LRP1B: variants seen among roughly 807,000 people sequenced by gnomAD.
LRP1B encodes LDL receptor related protein 1B.
Under a neutral mutation model 556.6 loss-of-function variants are expected in LRP1B, and 217 were observed. The observed-to-expected ratio is 0.39, with a 90% CI of 0.35 to 0.44. The LOEUF (loss-of-function observed/expected upper bound fraction) is 0.44, where lower values mean the gene tolerates loss of function less well. Among genes scored for constraint, LRP1B ranks in the 20% least tolerant of loss-of-function variants. LRP1B has a pLI of 1.00. For synonymous variants in LRP1B, 2,047 were observed against 1,865.8 expected, an observed-to-expected ratio of 1.10 and a Z score of -2.50; for missense variants, 5,053 against 5,620.8, an observed-to-expected ratio of 0.90 and a Z score of 3.23.
intron 1 of LRP1B, among the ~76,000 whole-genome samples, chr2:141,984,367 T>C (rs929897681): frequency 4.0e-5 from 3 of 74,516 alleles, no homozygotes; most frequent in Non-Finnish European, 7.9e-5. Flanking sequence ...ACCAGGAAAA[T>C]TGATGAAAGG....
chr2:140,343,250 C>G (rs994657987), intron 77 of LRP1B, among the ~76,000 whole-genome samples: 1 of 151,420 alleles, frequency 6.6e-6, no homozygotes, highest in Non-Finnish European at 1.5e-5. Flanking sequence ...TATTTTGATG[C>G]CGGTTTTGGC....
At chr2:141,762,505 GA>G (rs1274450754) in intron 2 of LRP1B, among the ~76,000 whole-genome samples, 1 of 151,840 alleles carries the variant, frequency 6.6e-6, no homozygotes, top group Non-Finnish European at 1.5e-5. Context: ...ATAAAAATAT[GA>G]AATAGTATAA....
chr2:141,167,143 C>A (rs763062540), intron 7 of LRP1B: 34 of 151,764 alleles, frequency 2.2e-4, no homozygotes, highest in Non-Finnish European at 3.8e-4. Context: ...CAAAAAGCTC[C>A]CATAAACCTC....
At chr2:140,555,365 C>A (rs1488327861) in intron 43 of LRP1B, among the ~76,000 whole-genome samples, 3 of 151,916 alleles carry the variant, frequency 2.0e-5, no homozygotes, top group Admixed American at 2.0e-4. Flanking sequence ...ATTTGACATT[C>A]CATACATTTG....
intron 7 of LRP1B, among the ~76,000 whole-genome samples, chr2:141,072,942 G>C (rs1170413233): frequency 6.6e-6 from 1 of 152,122 alleles, no homozygotes; most frequent in African/African-American, 2.4e-5. Flanking sequence ...TATACACTCA[G>C]TCCGTCTTTT....
Position 141,247,364 on chromosome 2 carries a change from A to C in LRP1B, c.464-10T>G. The C allele has an allele frequency of 1.9e-6, 3 of 1,612,916 alleles. No homozygotes were observed. The highest frequency in any genetic ancestry group is 1.7e-6 in the Non-Finnish European group (2 of 1,179,310). The stretch of plus-strand genomic sequence containing the variant: ...GCACATTCATCTTGATCTAAAAAGG[A>C]AAATTGGCATCATTTCTAAGCAGCT... On this transcript the variant is annotated splice_polypyrimidine_tract_variant and intron_variant, in intron 4 of 90. Coordinates refer to ENST00000389484, the MANE Select transcript of LRP1B (RefSeq NM_018557.3).
chr2:141,049,167 T>C lies in LRP1B; in HGVS notation c.1608A>G (p.Arg536=), dbSNP rs1306542955. ...FYGKGRPGIV[R]GMDLNTKIAD... is the part of the protein sequence containing the mutation. ...CTATCTTGGTATTCAAGTCCATTCC[T>C]CTAACAATTCCTGGGCGTCCTTTCC... Residue 536 remains arginine, a synonymous_variant, in exon 11 of 91, where the codon AGA becomes AGG. Transcript: ENST00000389484. The C allele has an allele frequency of 1.2e-6, 2 of 1,613,490 alleles. No individual in the cohort carries two copies. The highest frequency in any genetic ancestry group is 1.7e-6 in the Non-Finnish European group (2 of 1,179,702).
At chr2:141,063,204 C>T (rs1699388376) in intron 7 of LRP1B, among the ~76,000 whole-genome samples, 1 of 151,706 alleles carries the variant, frequency 6.6e-6, no homozygotes, top group East Asian at 1.9e-4. Flanking sequence ...AGTGACTGAG[C>T]AATATTAAGA....
chr2:141,354,612 C>T (rs1688559618), intron 3 of LRP1B, among the ~76,000 whole-genome samples: 1 of 151,810 alleles, frequency 6.6e-6, no homozygotes, highest in Admixed American at 6.6e-5. Context: ...GCATTATTTC[C>T]TAAAACGACC....
intron 7 of LRP1B, among the ~76,000 whole-genome samples, chr2:141,107,424 G>A (rs923130892): frequency 6.6e-6 from 1 of 152,072 alleles, no homozygotes; most frequent in Admixed American, 6.6e-5. Flanking sequence ...GAGGCGGGTG[G>A]ATCACAAGGT....
rs573095690 is a variant in LRP1B at position 140,573,224 on chromosome 2, T to A, written c.7194+25407A>T. Among the ~76,000 whole-genome samples the A allele has an allele frequency of 3.9e-5, 6 of 151,950 alleles. No homozygotes were observed. The South Asian group carries it at 1.2e-3, about 31-fold the overall frequency. On this transcript the variant is annotated intron_variant, in intron 43 of 90. Coordinates refer to ENST00000389484, the MANE Select transcript of LRP1B (RefSeq NM_018557.3). Reference sequence around the variant, plus strand: ...CATCATTACATACTGTATACATGTATCAAAAAATCACACTGTATACCATAA... The same window carrying A: ...CATCATTACATACTGTATACATGTAACAAAAAATCACACTGTATACCATAA...
chr2:140,474,748 A>G (rs529332715), intron 60 of LRP1B, among the ~76,000 whole-genome samples: 10 of 152,040 alleles, frequency 6.6e-5, no homozygotes, highest in Admixed American at 2.6e-4. Context: ...GATAACTTAT[A>G]AAACTATACT....
chr2:142,125,662 G>C (rs750740406), intron 1 of LRP1B, among the ~76,000 whole-genome samples: 57 of 151,922 alleles, frequency 3.8e-4, no homozygotes, highest in Non-Finnish European at 7.1e-4. Context: ...TATACAATTT[G>C]TGATTGCTCT....
chr2:141,744,332 A>T (rs758257992), intron 2 of LRP1B, among the ~76,000 whole-genome samples: 1 of 152,048 alleles, frequency 6.6e-6, no homozygotes, highest in Non-Finnish European at 1.5e-5. Flanking sequence ...TTCCACTGTG[A>T]TCAGAGAAAA....
chr2:141,082,006 T>A (rs975809736), intron 7 of LRP1B, among the ~76,000 whole-genome samples: 2 of 152,320 alleles, frequency 1.3e-5, no homozygotes, highest in South Asian at 4.1e-4. Flanking sequence ...AATTCTATAT[T>A]AAAATTACCT....
intron 75 of LRP1B, 125 bp from the exon 76 acceptor site, chr2:140,353,197 TA>T (rs1682053407): frequency 1.1e-6 from 1 of 901,916 alleles, no homozygotes; most frequent in African/African-American, 1.7e-5. Flanking sequence ...TTCACATCTT[TA>T]ATCTGTGACC....
At chr2:141,213,125 T>C (rs555869961) in intron 6 of LRP1B, among the ~76,000 whole-genome samples, 1 of 151,910 alleles carries the variant, frequency 6.6e-6, no homozygotes, top group Non-Finnish European at 1.5e-5. Flanking sequence ...TAATTTTTTT[T>C]TTTTTTTGTA....
At chr2:141,153,376 A>AT (rs1701978961) in intron 7 of LRP1B, among the ~76,000 whole-genome samples, 1 of 103,016 alleles carries the variant, frequency 9.7e-6, no homozygotes, top group Non-Finnish European at 1.9e-5. Context: ...ATATATAATA[A>AT]TATATATAAG....
intron 87 of LRP1B, among the ~76,000 whole-genome samples, chr2:140,245,932 A>G (rs1471742191): frequency 2.0e-5 from 3 of 151,208 alleles, no homozygotes; most frequent in Non-Finnish European, 4.4e-5. Context: ...AAAATCACTC[A>G]CCTCACCTAT....
Sources: gnomAD v4.1 joint callset for allele counts (sites outside exome capture counted in the v4.1 genomes callset) on GRCh38, gnomAD v4.1.1 for gene constraint, MANE v1.5 for transcripts, NCBI Gene and HGNC (gene_info 2026-07-23, HGNC 2026-07-21) for gene names.